The following ASCC3 variants were observed in gnomAD, a reference collection of about 807,000 sequenced individuals.
The protein encoded by ASCC3 is ASC-1 complex subunit P200.
In ASCC3, 158 loss-of-function variants were observed where a neutral mutation model predicts 256.3. The observed-to-expected ratio is 0.62, with a 90% confidence interval of 0.54 to 0.70. ASCC3 has a LOEUF of 0.70. Ranked by LOEUF, ASCC3 falls within the 30% of genes least tolerant of loss-of-function variation. The pLI is 0.00. For synonymous variants in ASCC3, 948 were observed against 883.4 expected (o/e 1.07, Z -1.30); for missense variants, 2,259 against 2,626.0 (o/e 0.86, Z 3.05).
chr6:100,854,062 T>C (rs1772819615), intron 3 of ASCC3, among the ~76,000 whole-genome samples: 1 of 151,886 alleles, frequency 6.6e-6, no homozygotes, highest in African/African-American at 2.4e-5. Context: ...ACTAGTCTCA[T>C]GAATCTTGCT....
At chr6:100,686,036 T>A (rs1383359965) in intron 13 of ASCC3, among the ~76,000 whole-genome samples, 1 of 152,216 alleles carries the variant, frequency 6.6e-6, no homozygotes, top group Non-Finnish European at 1.5e-5. Context: ...CAGCAAATAC[T>A]CAATGTGTCT....
intron 36 of ASCC3, among the ~76,000 whole-genome samples, chr6:100,560,791 A>ACG (rs1554192918): frequency 1.3e-5 from 2 of 149,728 alleles, no homozygotes; most frequent in Non-Finnish European, 3.0e-5. Flanking sequence ...ACACACACAC[A>ACG]CGCACACATA....
At chr6:100,828,564 T>C (rs775857676) in intron 4 of ASCC3, among the ~76,000 whole-genome samples, 59 of 152,176 alleles carry the variant, frequency 3.9e-4, no homozygotes, top group Non-Finnish European at 7.5e-4. Context: ...GATGTTCCGA[T>C]GTGTTCGGAG....
chr6:100,804,169 A>T (rs1770054947), intron 5 of ASCC3, among the ~76,000 whole-genome samples: 1 of 152,126 alleles, frequency 6.6e-6, no homozygotes. Context: ...CATGTGCTAA[A>T]GATTTTACAG....
intron 10 of ASCC3, among the ~76,000 whole-genome samples, chr6:100,753,567 C>T (rs1217677860): frequency 6.6e-6 from 1 of 151,118 alleles, no homozygotes; most frequent in East Asian, 1.9e-4. Flanking sequence ...AGTGGCTAAT[C>T]ACAGATACAA....
At chr6:100,733,508 G>T (rs370254550) in intron 10 of ASCC3, among the ~76,000 whole-genome samples, 1 of 152,038 alleles carries the variant, frequency 6.6e-6, no homozygotes, top group African/African-American at 2.4e-5. Flanking sequence ...TTTGCTTTCC[G>T]CCACTTAGCT....
At chr6:100,643,998 C>G in intron 23 of ASCC3, 33 bp downstream of exon 23, 1 of 1,444,980 alleles carries the variant, frequency 6.9e-7, no homozygotes, top group Non-Finnish European at 9.7e-7. Flanking sequence ...TTTACAATAG[C>G]AAATAAGGAT....
At chr6:100,706,754 A>G (rs910004996) in intron 13 of ASCC3, among the ~76,000 whole-genome samples, 5 of 152,102 alleles carry the variant, frequency 3.3e-5, no homozygotes, top group Non-Finnish European at 7.4e-5. Context: ...AAACAGAGCA[A>G]GCCTTTTCAG....
chr6:100,652,648 T>C (rs1775726817), intron 18 of ASCC3, 77 bp downstream of exon 18: 4 of 1,407,462 alleles, frequency 2.8e-6, no homozygotes, highest in Non-Finnish European at 3.9e-6. Flanking sequence ...GCTTTCATTA[T>C]TTTACATTAA....
At chr6:100,557,930 T>A (rs976757249) in intron 36 of ASCC3, among the ~76,000 whole-genome samples, 1 of 151,948 alleles carries the variant, frequency 6.6e-6, no homozygotes, top group Admixed American at 6.6e-5. Flanking sequence ...GCTGATAGTG[T>A]ATAGTTAGGT....
At chr6:100,719,182 A>G (rs1779211885) in intron 11 of ASCC3, among the ~76,000 whole-genome samples, 1 of 152,168 alleles carries the variant, frequency 6.6e-6, no homozygotes, top group Admixed American at 6.6e-5. Context: ...AAAAAAGTAG[A>G]GATGGGTAAA....
chr6:100,580,329 A>C (rs1332803934), intron 36 of ASCC3, among the ~76,000 whole-genome samples: 1 of 152,194 alleles, frequency 6.6e-6, no homozygotes, highest in East Asian at 1.9e-4. Context: ...TCTCTAAAGG[A>C]AGAAAAGGTC....
At chr6:100,715,872 A>G (rs1024653929) in intron 12 of ASCC3, among the ~76,000 whole-genome samples, 3 of 151,840 alleles carry the variant, frequency 2.0e-5, no homozygotes, top group Non-Finnish European at 2.9e-5. Flanking sequence ...TGAGAAGCCC[A>G]TTCTCCAGGC....
chr6:100,834,888 A>G (rs1167820485), intron 4 of ASCC3, among the ~76,000 whole-genome samples: 2 of 152,184 alleles, frequency 1.3e-5, no homozygotes, highest in Non-Finnish European at 2.9e-5. Context: ...TTTCATGGAT[A>G]GATAACTGTT....
At chr6:100,664,376 A>G (rs1776371229) in intron 14 of ASCC3, among the ~76,000 whole-genome samples, 2 of 152,136 alleles carry the variant, frequency 1.3e-5, no homozygotes, top group Admixed American at 6.6e-5. Context: ...TATTTAACTA[A>G]TAAAATTATC....
intron 37 of ASCC3, among the ~76,000 whole-genome samples, chr6:100,521,394 C>T (rs1303044395): frequency 3.3e-5 from 5 of 152,086 alleles, no homozygotes; most frequent in South Asian, 2.1e-4. Flanking sequence ...GGAGGATAGT[C>T]TATCCATGAA....
chr6:100,779,033 T>C (rs1782326650), intron 8 of ASCC3, among the ~76,000 whole-genome samples: 1 of 152,120 alleles, frequency 6.6e-6, no homozygotes. Context: ...TTTAAGGTAA[T>C]TTTAAAAGAT....
intron 13 of ASCC3, among the ~76,000 whole-genome samples, chr6:100,707,938 C>T (rs985566941): frequency 1.3e-5 from 2 of 152,076 alleles, no homozygotes; most frequent in African/African-American, 4.8e-5. Flanking sequence ...ACAGCCTTTC[C>T]ATTACCACCA....
chr6:100,614,659 C>T (rs1773571434), intron 30 of ASCC3, among the ~76,000 whole-genome samples: 1 of 152,126 alleles, frequency 6.6e-6, no homozygotes, highest in South Asian at 2.1e-4. Flanking sequence ...CTAATCACTA[C>T]ATGAATAAGA....
Sources: gnomAD v4.1 joint callset for allele counts (sites outside exome capture counted in the v4.1 genomes callset) on GRCh38, gnomAD v4.1.1 for gene constraint, MANE v1.5 for transcripts, NCBI Gene and HGNC (gene_info 2026-07-23, HGNC 2026-07-21) for gene names.